Variants in IQSEC1 observed in about 807,000 individuals in gnomAD.
The protein encoded by IQSEC1 is IQ motif and Sec7 domain ArfGEF 1, also known as IQ motif and SEC7 domain-containing protein 1.
A neutral mutation model predicts 91.0 loss-of-function variants in IQSEC1; 31 were observed. The ratio of observed to expected loss-of-function variants is 0.34; its 90% CI spans 0.26 to 0.46. The LOEUF (loss-of-function observed/expected upper bound fraction) is 0.46, where lower values mean the gene tolerates loss of function less well. IQSEC1 is among the 20% of genes least tolerant of loss of function. IQSEC1 has a pLI of 1.00. For synonymous variants in IQSEC1, 699 were observed against 662.6 expected (o/e 1.05, Z -0.84); for missense variants, 1,388 against 1,575.6 (o/e 0.88, Z 2.02).
chr3:12,950,023 G>A (rs1699434960), intron 1 of IQSEC1, among the ~76,000 whole-genome samples: 1 of 152,226 alleles, frequency 6.6e-6, no homozygotes, highest in Non-Finnish European at 1.5e-5. Flanking sequence ...GATGTGGCTG[G>A]GGCTGGGTCA....
intron 1 of IQSEC1, among the ~76,000 whole-genome samples, chr3:12,989,243 GCACCA>G: frequency 6.6e-6 from 1 of 152,210 alleles, no homozygotes; most frequent in Non-Finnish European, 1.5e-5. Flanking sequence ...GGTAACCCCA[GCACCA>G]AACTGAAAAT....
In IQSEC1 at chr3:13,259,769, C is replaced by G. The variant is rs886255862; in HGVS notation, c.272+22942G>C. 6.6e-5 allele frequency among the ~76,000 whole-genome samples: 10 copies of G among 152,322 alleles called. No individual in the cohort carries two copies. The highest frequency in any genetic ancestry group is 4.1e-4 in the South Asian group (2 of 4,830). On this transcript the variant is annotated intron_variant, in intron 1 of 15. Transcript: ENST00000648114. The surrounding 1 kb of genome is among the most constrained non-coding windows in gnomAD (Gnocchi z 4.6). ...CCACCTGCTTCCACCTCTGGTCATC[C>G]ACAGATGCCACAAGGGGATGCAAGC... is the stretch of plus-strand genomic sequence containing the variant.
chr3:12,977,365 A>C (rs1576095457), intron 1 of IQSEC1, among the ~76,000 whole-genome samples: 1 of 143,742 alleles, frequency 7.0e-6, no homozygotes, highest in Non-Finnish European at 1.5e-5. Flanking sequence ...AAAAAAAAAA[A>C]GCGCTATCCC....
intron 2 of IQSEC1, among the ~76,000 whole-genome samples, chr3:13,102,298 T>A (rs1341405928): frequency 6.6e-6 from 1 of 151,788 alleles, no homozygotes; most frequent in African/African-American, 2.4e-5. Context: ...ATAATAATAA[T>A]AATAAATAAC....
intron 1 of IQSEC1, among the ~76,000 whole-genome samples, chr3:12,985,497 C>A (rs1345010791): frequency 1.3e-5 from 2 of 152,012 alleles, no homozygotes; most frequent in Non-Finnish European, 2.9e-5. Flanking sequence ...CAATCCCCCC[C>A]CCCCCGCCAA....
At chr3:13,034,208 C>A (rs557708638) in intron 1 of IQSEC1, among the ~76,000 whole-genome samples, 1 of 152,216 alleles carries the variant, frequency 6.6e-6, no homozygotes, top group Non-Finnish European at 1.5e-5. Context: ...CGTCTCCCCC[C>A]AGAGTCAACT....
At chr3:13,236,404 T>C (rs1694929174) in intron 1 of IQSEC1, among the ~76,000 whole-genome samples, 1 of 152,226 alleles carries the variant, frequency 6.6e-6, no homozygotes, top group Non-Finnish European at 1.5e-5. Context: ...ACTGGCCATC[T>C]TTTCTGCGCA....
Position 12,909,457 on chromosome 3 carries a change from AGGAGG to A in IQSEC1, c.2417-28_2417-24del. ...AGTCTGCAAAAGGGAAGGAGAGGGG[AGGAGG>A]CCCACGGGTCTCAGTGTGTTCTCTG... On this transcript the variant is annotated intron_variant, in intron 10 of 13. Coordinates refer to ENST00000613206, the MANE Select transcript of IQSEC1 (RefSeq NM_001134382.3). This position sits in a 1 kb window ranked among gnomAD's most constrained non-coding sequence, Gnocchi z 4.9. 6.2e-7 allele frequency: 1 copy of A among 1,609,110 alleles called. No individual in the cohort carries two copies. Among genetic ancestry groups the A allele is most frequent in the Non-Finnish European group, 8.5e-7 (1 of 1,176,706 alleles).
chr3:13,184,927 C>T (rs1479576255), intron 1 of IQSEC1, among the ~76,000 whole-genome samples: 1 of 152,154 alleles, frequency 6.6e-6, no homozygotes, highest in Middle Eastern at 3.2e-3. Context: ...ATAGATGGAC[C>T]TTCCTTGGTA....
At chr3:13,233,175 G>A (rs1432648201) in intron 1 of IQSEC1, among the ~76,000 whole-genome samples, 1 of 152,212 alleles carries the variant, frequency 6.6e-6, no homozygotes, top group Non-Finnish European at 1.5e-5. Flanking sequence ...CACGTGAGGT[G>A]CTCATTAGAA....
chr3:12,986,959 C>G (rs1306963579), intron 1 of IQSEC1: 1 of 407,484 alleles, frequency 2.5e-6, no homozygotes, highest in Non-Finnish European at 4.9e-6. Flanking sequence ...GCCCATCCCA[C>G]CCTTCCCTTA....
intron 1 of IQSEC1, among the ~76,000 whole-genome samples, chr3:13,164,170 C>T (rs958253114): frequency 6.6e-5 from 10 of 152,176 alleles, no homozygotes; most frequent in African/African-American, 2.4e-4. Flanking sequence ...AGCCCAGAAC[C>T]CTCTGCTCCG....
At chr3:12,944,332 C>A (rs1699024684) in intron 1 of IQSEC1, among the ~76,000 whole-genome samples, 1 of 152,210 alleles carries the variant, frequency 6.6e-6, no homozygotes, top group African/African-American at 2.4e-5. Context: ...CAGGGACTCG[C>A]AATAAACACT....
At chr3:13,165,181 C>A (rs994375804) in intron 1 of IQSEC1, among the ~76,000 whole-genome samples, 1 of 152,170 alleles carries the variant, frequency 6.6e-6, no homozygotes, top group Non-Finnish European at 1.5e-5. Context: ...TGCCTGAGTG[C>A]ACACCCCTTG....
At position 13,234,648 on chromosome 3, in the gene IQSEC1, G is replaced by A. The variant is rs76632368; in HGVS notation, c.272+48063C>T. Among the ~76,000 whole-genome samples, 1,233 of 152,264 alleles carry A rather than the reference G, an allele frequency of 8.1e-3. 19 individuals are homozygous for A. Among genetic ancestry groups the A allele is most frequent in the African/African-American group, 0.028 (1,149 of 41,538 alleles). On this transcript the variant is annotated intron_variant, in intron 1 of 15. Transcript: ENST00000648114. ...CACAGGTTATGCCTGCAGCAGCAGC[G>A]AGAATCAAGTGAAATTGCCCAGTGC...
chr3:13,219,382 G>A (rs1198042465), intron 1 of IQSEC1, among the ~76,000 whole-genome samples: 5 of 152,186 alleles, frequency 3.3e-5, no homozygotes, highest in African/African-American at 1.2e-4. Context: ...TCTCCTGGCA[G>A]TGTAACCACC....
intron 1 of IQSEC1, among the ~76,000 whole-genome samples, chr3:12,984,299 C>T (rs552528252): frequency 6.6e-6 from 1 of 152,180 alleles, no homozygotes; most frequent in African/African-American, 2.4e-5. Flanking sequence ...CCTTTGCTAG[C>T]GAGCATACTC....
chr3:13,136,458 TTCCTATTTAC>T (rs1706712169), intron 2 of IQSEC1, among the ~76,000 whole-genome samples: 1 of 152,104 alleles, frequency 6.6e-6, no homozygotes, highest in Non-Finnish European at 1.5e-5. Context: ...GAAATGAGCA[TTCCTATTTAC>T]CAGACACGAG....
rs757036944 is a variant in IQSEC1, at chr3:12,915,717, C to G, written c.2037G>C (p.Glu679Asp). ...CCATCAGCATCTCACGGGGAATGTC[C>G]TCACCATCGTCCACACCTGGGTAGG... ...IKNLRGVDDG[E>D]DIPREMLMGI... Residue 679 changes from glutamate (E) to aspartate (D), a missense_variant, in exon 7 of 14, where the codon GAG becomes GAC. This residue lies in a region of IQSEC1 where 1,059 missense variants were observed against 1,317.8 expected (regional missense o/e 0.80). Coordinates refer to ENST00000613206, the MANE Select transcript of IQSEC1 (RefSeq NM_001134382.3). 3 of 1,614,150 alleles carry G rather than the reference C, an allele frequency of 1.9e-6. No homozygotes were observed. Among genetic ancestry groups the G allele is most frequent in the Non-Finnish European group, 2.5e-6 (3 of 1,180,004 alleles).
Sources: gnomAD v4.1 joint callset for allele counts (sites outside exome capture counted in the v4.1 genomes callset) on GRCh38, gnomAD v4.1.1 for gene constraint, gnomAD v4.1.1 regional missense constraint, Gnocchi (gnomAD v3.1) non-coding constraint, MANE v1.5 for transcripts, NCBI Gene and HGNC (gene_info 2026-07-23, HGNC 2026-07-21) for gene names.